The following PPM1L variants were observed in gnomAD, a reference collection of about 807,000 sequenced individuals.
PPM1L encodes protein phosphatase, Mg2+/Mn2+ dependent 1L.
In PPM1L, 13 loss-of-function variants were observed where a neutral mutation model predicts 31.4. The ratio of observed to expected loss-of-function variants is 0.41; its 90% CI spans 0.27 to 0.66. PPM1L has a LOEUF of 0.66. PPM1L is among the 30% of genes least tolerant of loss of function. PPM1L has a pLI of 0.29. For synonymous variants in PPM1L, 184 were observed against 175.4 expected, an observed-to-expected ratio of 1.05 and a Z score of -0.39; for missense variants, 326 against 453.7, an observed-to-expected ratio of 0.72 and a Z score of 2.56.
chr3:160,851,919 G>C (rs545453151), intron 1 of PPM1L, among the ~76,000 whole-genome samples: 3 of 152,308 alleles, frequency 2.0e-5, no homozygotes, highest in African/African-American at 7.2e-5. Context: ...TAGGAAATGA[G>C]TTCATTGTTT....
At chr3:160,802,089 A>AT (rs1712447195) in intron 1 of PPM1L, among the ~76,000 whole-genome samples, 1 of 152,046 alleles carries the variant, frequency 6.6e-6, no homozygotes, top group Admixed American at 6.6e-5. Flanking sequence ...CTACTTAGAC[A>AT]TCTTGTCCTA....
chr3:161,008,074 C>G (rs1306376055), intron 2 of PPM1L, among the ~76,000 whole-genome samples: 1 of 152,216 alleles, frequency 6.6e-6, no homozygotes, highest in Admixed American at 6.5e-5. Flanking sequence ...TAGAATTACT[C>G]TTCCCCAAGG....
At chr3:160,859,370 T>G (rs1711819058) in intron 1 of PPM1L, among the ~76,000 whole-genome samples, 1 of 152,224 alleles carries the variant, frequency 6.6e-6, no homozygotes, top group South Asian at 2.1e-4. Context: ...GTTTCTACAT[T>G]GCATGATTCC....
chr3:161,022,304 A>G, intron 2 of PPM1L: 4 of 473,010 alleles, frequency 8.5e-6, no homozygotes, highest in Non-Finnish European at 1.5e-5. Context: ...GCTGTTGTCA[A>G]CCAAATTATA....
At chr3:160,788,483 A>G (rs1712001184) in intron 1 of PPM1L, among the ~76,000 whole-genome samples, 1 of 152,112 alleles carries the variant, frequency 6.6e-6, no homozygotes, top group Admixed American at 6.6e-5. Flanking sequence ...TTCTGTAGAA[A>G]GAAGATTTGC....
At chr3:160,981,455 A>G (rs145775406) in intron 2 of PPM1L, among the ~76,000 whole-genome samples, 4 of 152,308 alleles carry the variant, frequency 2.6e-5, no homozygotes, top group Admixed American at 1.3e-4. Context: ...AGAGACAGAG[A>G]GCAAGGGGGC....
chr3:160,886,557 C>T (rs775909346), intron 1 of PPM1L, among the ~76,000 whole-genome samples: 8 of 152,116 alleles, frequency 5.3e-5, no homozygotes, highest in Non-Finnish European at 1.0e-4. Flanking sequence ...GGCACAGGAG[C>T]GAACCAGATG....
At chr3:160,914,177 G>A (rs13086250) in intron 1 of PPM1L, among the ~76,000 whole-genome samples, 63,140 of 151,924 alleles carry the variant, frequency 0.42, 14,634 homozygotes, top group Non-Finnish European at 0.54. Flanking sequence ...CATTTCTTTG[G>A]TGACTACTAA....
At chr3:161,060,518 G>C (rs1481311534) in intron 2 of PPM1L, among the ~76,000 whole-genome samples, 2 of 152,136 alleles carry the variant, frequency 1.3e-5, no homozygotes, top group African/African-American at 4.8e-5. Context: ...AAGGGTTTAA[G>C]AGATATTTTA....
At chr3:161,033,344 A>G (rs908760268) in intron 2 of PPM1L, among the ~76,000 whole-genome samples, 3 of 152,216 alleles carry the variant, frequency 2.0e-5, no homozygotes, top group African/African-American at 7.2e-5. Flanking sequence ...AAACTGCTTT[A>G]AATTTCATAT....
At chr3:160,856,289 C>G (rs1711701107) in intron 1 of PPM1L, among the ~76,000 whole-genome samples, 1 of 152,144 alleles carries the variant, frequency 6.6e-6, no homozygotes, top group South Asian at 2.1e-4. Flanking sequence ...ATCAAGTTGA[C>G]TCTTAATATT....
chr3:160,796,787 A>G (rs955525967), intron 1 of PPM1L, among the ~76,000 whole-genome samples: 4 of 152,222 alleles, frequency 2.6e-5, no homozygotes, highest in African/African-American at 4.8e-5. Flanking sequence ...GGGTAAGAGT[A>G]TGGAATAAAA....
intron 2 of PPM1L, among the ~76,000 whole-genome samples, chr3:161,027,214 G>T (rs1718425878): frequency 6.6e-6 from 1 of 152,172 alleles, no homozygotes; most frequent in Non-Finnish European, 1.5e-5. Flanking sequence ...TAGAAAGATG[G>T]CTTTGACAGC....
At chr3:161,009,270 GGA>G (rs972116182) in intron 2 of PPM1L, among the ~76,000 whole-genome samples, 3 of 152,162 alleles carry the variant, frequency 2.0e-5, no homozygotes, top group Non-Finnish European at 4.4e-5. Context: ...CCAATTCACT[GGA>G]TAGAGTGCCC....
intron 2 of PPM1L, among the ~76,000 whole-genome samples, chr3:161,054,359 T>A (rs1211091536): frequency 4.6e-5 from 7 of 151,134 alleles, no homozygotes; most frequent in Non-Finnish European, 7.4e-5. Context: ...CCTCATTGAC[T>A]GACCTTGTAC....
intron 2 of PPM1L, among the ~76,000 whole-genome samples, chr3:161,061,462 G>A (rs1427129521): frequency 2.0e-5 from 3 of 152,094 alleles, no homozygotes; most frequent in Non-Finnish European, 2.9e-5. Flanking sequence ...GCGGGTCATC[G>A]ATCTTAAGTA....
At chr3:160,985,505 T>TTG (rs1412531001) in intron 2 of PPM1L, among the ~76,000 whole-genome samples, 1 of 152,240 alleles carries the variant, frequency 6.6e-6, no homozygotes, top group East Asian at 1.9e-4. Context: ...AGCCAGTACT[T>TTG]AAAACATGAG....
At chr3:160,804,548 C>G (rs1712539154) in intron 1 of PPM1L, among the ~76,000 whole-genome samples, 1 of 152,216 alleles carries the variant, frequency 6.6e-6, no homozygotes, top group Non-Finnish European at 1.5e-5. Context: ...GACAGTACCT[C>G]TGCCCATTTA....
At position 161,069,017 on chromosome 3, in the gene PPM1L, C is replaced by A. The variant is rs765784397; in HGVS notation, c.943C>A (p.Arg315=). The change falls in exon 4 of 4, where the codon CGA becomes AGA. Residue 315 remains arginine (R), a synonymous_variant. Transcript: ENST00000498165. The part of the protein sequence containing the change: ...WDAFSNEEAV[R]FIKERLDEPH... The stretch of plus-strand genomic sequence containing the variant: ...TGCTTTCAGCAATGAAGAAGCAGTT[C>A]GATTCATCAAGGAGCGCTTGGATGA... 3 of 1,614,112 alleles carry A rather than the reference C, an allele frequency of 1.9e-6. No individual in the cohort carries two copies. Among genetic ancestry groups the A allele is most frequent in the East Asian group, 4.5e-5 (2 of 44,872 alleles).
Sources: gnomAD v4.1 joint callset for allele counts (sites outside exome capture counted in the v4.1 genomes callset) on GRCh38, gnomAD v4.1.1 for gene constraint, MANE v1.5 for transcripts, NCBI Gene and HGNC (gene_info 2026-07-23, HGNC 2026-07-21) for gene names.